The following DPT variants were observed in gnomAD, a reference collection of about 807,000 sequenced individuals.
The protein encoded by DPT is tyrosine-rich acidic matrix protein.
Under a neutral mutation model 31.2 loss-of-function variants are expected in DPT, and 21 were observed. That is an observed-to-expected ratio of 0.67 (90% CI 0.48 to 0.97). The LOEUF (loss-of-function observed/expected upper bound fraction) is 0.97, where lower values mean the gene tolerates loss of function less well. DPT is among the 50% of genes least tolerant of loss of function. DPT has a pLI of 0.00. For synonymous variants in DPT, 91 were observed against 86.9 expected (o/e 1.05, Z -0.26); for missense variants, 262 against 258.8 (o/e 1.01, Z -0.08).
At chr1:168,714,090 A>G in intron 2 of DPT, 131 bp downstream of exon 2, 1 of 1,214,174 alleles carries the variant, frequency 8.2e-7, no homozygotes, top group South Asian at 1.5e-5. Context: ...TCATTCATTC[A>G]TTCTTGTCTA....
At chr1:168,708,738 G>A (rs1040459266) in intron 2 of DPT, among the ~76,000 whole-genome samples, 3 of 152,184 alleles carry the variant, frequency 2.0e-5, no homozygotes, top group African/African-American at 7.2e-5. Context: ...CTGAATTGCA[G>A]GAGGCTGTCT....
At chr1:168,724,453 C>A (rs1650191853) in intron 1 of DPT, among the ~76,000 whole-genome samples, 1 of 152,104 alleles carries the variant, frequency 6.6e-6, no homozygotes, top group Non-Finnish European at 1.5e-5. Context: ...CTGTTATGTA[C>A]CAGCACTTGT....
chr1:168,705,089 T>C (rs1003749121), intron 2 of DPT, among the ~76,000 whole-genome samples: 2 of 152,232 alleles, frequency 1.3e-5, no homozygotes, highest in African/African-American at 2.4e-5. Flanking sequence ...TTATTCATTG[T>C]CAGAGGTTGG....
chr1:168,721,195 GT>G (rs1650107185), intron 1 of DPT, among the ~76,000 whole-genome samples: 1 of 152,202 alleles, frequency 6.6e-6, no homozygotes, highest in African/African-American at 2.4e-5. Context: ...TTGGGGGCAA[GT>G]TTGCCCAGTA....
At chr1:168,707,384 T>C (rs1649745749) in intron 2 of DPT, among the ~76,000 whole-genome samples, 1 of 152,144 alleles carries the variant, frequency 6.6e-6, no homozygotes, top group African/African-American at 2.4e-5. Context: ...CTAGAATCTA[T>C]TATAGTAGAG....
At chr1:168,710,458 G>C (rs542847824) in intron 2 of DPT, among the ~76,000 whole-genome samples, 1 of 152,124 alleles carries the variant, frequency 6.6e-6, no homozygotes, top group Non-Finnish European at 1.5e-5. Context: ...AAGGGTAAAG[G>C]GTATGGGGGT....
At chr1:168,699,845 T>C (rs1649552894) in intron 3 of DPT, among the ~76,000 whole-genome samples, 1 of 152,214 alleles carries the variant, frequency 6.6e-6, no homozygotes, top group Non-Finnish European at 1.5e-5. Context: ...CATTAACACC[T>C]GAATTTACCC....
intron 1 of DPT, among the ~76,000 whole-genome samples, chr1:168,726,212 G>A (rs1167297322): frequency 1.3e-5 from 2 of 152,198 alleles, no homozygotes; most frequent in Non-Finnish European, 2.9e-5. Context: ...CAAAAATGCC[G>A]AGTAAGAGGA....
At chr1:168,720,595 G>T (rs1375928545) in intron 1 of DPT, among the ~76,000 whole-genome samples, 1 of 152,156 alleles carries the variant, frequency 6.6e-6, no homozygotes, top group Non-Finnish European at 1.5e-5. Flanking sequence ...GGCTGGTTGT[G>T]CTGGTCTTTT....
chr1:168,729,024 G>C lies in DPT; in HGVS notation c.151C>G (p.Pro51Ala), dbSNP rs917005223. The C allele has an allele frequency of 2.5e-6, 4 of 1,614,082 alleles. No homozygotes were observed. Among genetic ancestry groups the C allele is most frequent in the Admixed American group, 3.3e-5 (2 of 60,012 alleles). ...LNRQGFSYQC[P>A]QGQVIVAVRS... ...ACGGCCACTATCACCTGCCCCTGGG[G>C]ACACTGGTAGCTGAAGCCTTGCCGG... The change falls in exon 1 of 4, where the codon CCC (proline) becomes GCC (alanine). Residue 51 changes from proline to alanine, a missense_variant. Pro to Ala is a conservative substitution (Grantham distance 27). Transcript: ENST00000367817.
intron 3 of DPT, among the ~76,000 whole-genome samples, chr1:168,698,817 G>A (rs1007445815): frequency 3.3e-5 from 5 of 152,080 alleles, no homozygotes; most frequent in African/African-American, 1.2e-4. Flanking sequence ...GAAAGCTCTT[G>A]CACAAGGAGT....
intron 2 of DPT, among the ~76,000 whole-genome samples, chr1:168,706,993 A>G (rs1352213865): frequency 6.6e-6 from 1 of 152,190 alleles, no homozygotes; most frequent in Non-Finnish European, 1.5e-5. Flanking sequence ...TCTGTTTTCT[A>G]CCAGATGCCT....
intron 1 of DPT, among the ~76,000 whole-genome samples, chr1:168,728,146 A>G (rs485187): frequency 0.75 from 114,844 of 152,164 alleles, 44,967 homozygotes; most frequent in African/African-American, 0.93. Context: ...CCACTGCTTA[A>G]GGCAGAATGC....
chr1:168,705,452 C>A (rs1206076485), intron 2 of DPT, among the ~76,000 whole-genome samples: 1 of 152,184 alleles, frequency 6.6e-6, no homozygotes, highest in Admixed American at 6.5e-5. Flanking sequence ...GAAAAGCACA[C>A]ACCACAGACT....
chr1:168,715,691 A>G (rs1025944909), intron 1 of DPT, among the ~76,000 whole-genome samples: 10 of 152,260 alleles, frequency 6.6e-5, no homozygotes, highest in Non-Finnish European at 1.5e-4. Context: ...AAGGATGATC[A>G]TTTGTTCTGC....
intron 3 of DPT, among the ~76,000 whole-genome samples, chr1:168,697,061 A>G (rs1298851033): frequency 6.6e-6 from 1 of 152,150 alleles, no homozygotes; most frequent in Non-Finnish European, 1.5e-5. Flanking sequence ...TAGGAGTTTG[A>G]GACCAGTCTG....
At position 168,711,011 on chromosome 1, in the gene DPT, TTC is replaced by T. The variant is rs1387363606; in HGVS notation, c.431+3208_431+3209del. ...TTTGACAACTTTGCTTTTTTTTTTC[TTC>T]TTCTTCTTTTTTTTTGAGTCAGAGT... On this transcript the variant is annotated intron_variant, in intron 2 of 3. Coordinates refer to ENST00000367817, the MANE Select transcript of DPT (RefSeq NM_001937.5). Among the ~76,000 whole-genome samples, 71 of 149,566 alleles carry T rather than the reference TTC, an allele frequency of 4.7e-4. 1 individual carries two copies. Among genetic ancestry groups the T allele is most frequent in the African/African-American group, 1.5e-3 (61 of 40,564 alleles).
intron 2 of DPT, among the ~76,000 whole-genome samples, chr1:168,709,746 G>T (rs919251979): frequency 6.6e-6 from 1 of 152,200 alleles, no homozygotes; most frequent in African/African-American, 2.4e-5. Context: ...CACCCACATG[G>T]GTCCAGTTCC....
intron 1 of DPT, among the ~76,000 whole-genome samples, chr1:168,728,160 CA>C (rs1650291318): frequency 3.9e-5 from 6 of 152,186 alleles, no homozygotes; most frequent in Admixed American, 3.9e-4. Flanking sequence ...AGAATGCAGT[CA>C]GGGGAAGACA....
Sources: gnomAD v4.1 joint callset for allele counts (sites outside exome capture counted in the v4.1 genomes callset) on GRCh38, gnomAD v4.1.1 for gene constraint, MANE v1.5 for transcripts, NCBI Gene and HGNC (gene_info 2026-07-23, HGNC 2026-07-21) for gene names.